Variants in PTPRM observed in about 807,000 individuals in gnomAD.
PTPRM encodes receptor-type tyrosine-protein phosphatase mu.
PTPRM carries 47 observed loss-of-function variants against 186.7 expected under a neutral mutation model. That is an observed-to-expected ratio of 0.25 (90% CI 0.20 to 0.32). PTPRM has a LOEUF of 0.32. PTPRM is among the 10% of genes least tolerant of loss of function. The pLI is 1.00. For missense variants in PTPRM, 1,494 were observed against 1,865.0 expected (o/e 0.80, Z 3.66); for synonymous variants, 668 against 674.9 (o/e 0.99, Z 0.16).
At chr18:7,842,828 G>GTATGTA in intron 2 of PTPRM, among the ~76,000 whole-genome samples, 1 of 73,794 alleles carries the variant, frequency 1.4e-5, no homozygotes, top group East Asian at 5.9e-4. Flanking sequence ...ATATATATAT[G>GTATGTA]TATATATATA....
chr18:7,652,283 G>A (rs1461531481), intron 1 of PTPRM, among the ~76,000 whole-genome samples: 1 of 152,114 alleles, frequency 6.6e-6, no homozygotes, highest in Non-Finnish European at 1.5e-5. Flanking sequence ...AGAGAAATAG[G>A]AACACTTTTA....
At chr18:8,267,520 C>A (rs1319009195) in intron 19 of PTPRM, among the ~76,000 whole-genome samples, 2 of 152,092 alleles carry the variant, frequency 1.3e-5, no homozygotes, top group African/African-American at 4.8e-5. Context: ...AATCTTAACA[C>A]AAAGAGTTTC....
intron 22 of PTPRM, among the ~76,000 whole-genome samples, chr18:8,334,967 A>C (rs1328295644): frequency 1.3e-5 from 2 of 152,194 alleles, no homozygotes; most frequent in African/African-American, 4.8e-5. Context: ...ACCTCCTTGC[A>C]GTACAGGTGC....
At chr18:8,257,737 T>C (rs1053633992) in intron 19 of PTPRM, among the ~76,000 whole-genome samples, 4 of 152,218 alleles carry the variant, frequency 2.6e-5, no homozygotes, top group Non-Finnish European at 5.9e-5. Flanking sequence ...TCTGGTCTTC[T>C]TCAATCTGTA....
intron 19 of PTPRM, among the ~76,000 whole-genome samples, chr18:8,260,245 C>T (rs929659156): frequency 2.0e-5 from 3 of 152,034 alleles, no homozygotes; most frequent in African/African-American, 7.3e-5. Context: ...CTTACTACAG[C>T]CTTGACCTCC....
intron 30 of PTPRM, 69 bp from the exon 31 acceptor site, chr18:8,387,003 G>A (rs779171503): frequency 5.1e-5 from 73 of 1,437,994 alleles, no homozygotes; most frequent in Middle Eastern, 1.8e-4. Flanking sequence ...AGTGGAATCA[G>A]CCCACTGGAA....
At chr18:8,138,458 T>C (rs1024358657) in intron 13 of PTPRM, among the ~76,000 whole-genome samples, 12 of 151,996 alleles carry the variant, frequency 7.9e-5, no homozygotes, top group African/African-American at 1.9e-4. Context: ...ATGCCCAGCC[T>C]GGGACATCCC....
At chr18:7,659,092 G>T (rs896169476) in intron 1 of PTPRM, among the ~76,000 whole-genome samples, 9 of 148,588 alleles carry the variant, frequency 6.1e-5, no homozygotes, top group African/African-American at 2.0e-4. Flanking sequence ...ATTTAAAATT[G>T]CAGGTATACA....
At chr18:7,958,213 A>G (rs1046355587) in intron 7 of PTPRM, among the ~76,000 whole-genome samples, 12 of 151,530 alleles carry the variant, frequency 7.9e-5, no homozygotes, top group Non-Finnish European at 1.0e-4. Flanking sequence ...CCTGCAAAAA[A>G]AAAAAAAAAA....
At chr18:7,578,636 A>ATTT (rs545184765) in intron 1 of PTPRM, among the ~76,000 whole-genome samples, 1 of 136,486 alleles carries the variant, frequency 7.3e-6, no homozygotes, top group Non-Finnish European at 1.6e-5. Context: ...CGCCTGGCCA[A>ATTT]TTTTTTTTTT....
intron 20 of PTPRM, among the ~76,000 whole-genome samples, chr18:8,301,369 C>T: frequency 6.6e-6 from 1 of 152,152 alleles, no homozygotes; most frequent in South Asian, 2.1e-4. Context: ...CACACACAAG[C>T]ATAGCCCTCC....
rs187288325 is a variant in PTPRM at position 7,595,689 on chromosome 18, A to C, written c.73+27798A>C. Among the ~76,000 whole-genome samples, 249 of 152,330 alleles carry C rather than the reference A, an allele frequency of 1.6e-3. 2 individuals are homozygous for C. Among genetic ancestry groups the C allele is most frequent in the Non-Finnish European group, 2.9e-3 (196 of 68,028 alleles). ...TCAATAGTAATGTTACTCTATCTGC[A>C]TTTTAACATGTTTACTATCAGCAAT... On this transcript the variant is annotated intron_variant, in intron 1 of 32. Coordinates refer to ENST00000580170, the MANE Select transcript of PTPRM (RefSeq NM_001105244.2).
At position 8,035,645 on chromosome 18, in the gene PTPRM, G is replaced by T. The variant is rs1485787904; in HGVS notation, c.1133-34041G>T. Among the ~76,000 whole-genome samples the T allele has an allele frequency of 2.0e-3, 309 of 152,194 alleles. 4 individuals carry two copies. The highest frequency in any genetic ancestry group is 7.1e-3 in the African/African-American group (295 of 41,532). On this transcript the variant is annotated intron_variant, in intron 7 of 32. Coordinates refer to ENST00000580170, the MANE Select transcript of PTPRM (RefSeq NM_001105244.2). The stretch of plus-strand genomic sequence containing the variant: ...AGATGCAGAAATTGCAGATACGGAG[G>T]GCTGACTGTACCTATAAAAAGAGGA...
chr18:8,140,969 A>G (rs1190682344), intron 13 of PTPRM, among the ~76,000 whole-genome samples: 1 of 152,192 alleles, frequency 6.6e-6, no homozygotes, highest in Non-Finnish European at 1.5e-5. Context: ...AAAATAAACA[A>G]CCATCAGTTG....
chr18:7,783,447 G>A (rs548308371), intron 2 of PTPRM, among the ~76,000 whole-genome samples: 1 of 152,162 alleles, frequency 6.6e-6, no homozygotes, highest in Admixed American at 6.5e-5. Context: ...GGGGTTAGTG[G>A]GTAGAGATGG....
At chr18:7,757,822 G>A (rs1186657781) in intron 1 of PTPRM, among the ~76,000 whole-genome samples, 3 of 152,164 alleles carry the variant, frequency 2.0e-5, no homozygotes, top group African/African-American at 7.2e-5. Context: ...GTGCATGGTT[G>A]CAGGCGAGTG....
intron 2 of PTPRM, among the ~76,000 whole-genome samples, chr18:7,775,268 G>C (rs1741508200): frequency 6.6e-6 from 1 of 152,180 alleles, no homozygotes; most frequent in Non-Finnish European, 1.5e-5. Flanking sequence ...CTTTATCACT[G>C]TGGCTTCACT....
At chr18:7,909,595 G>A (rs1464430075) in intron 4 of PTPRM, among the ~76,000 whole-genome samples, 1 of 152,092 alleles carries the variant, frequency 6.6e-6, no homozygotes, top group Non-Finnish European at 1.5e-5. Context: ...TCATAATAAT[G>A]AATTATTTTG....
chr18:7,786,121 A>G (rs2043086730), intron 2 of PTPRM, among the ~76,000 whole-genome samples: 1 of 152,198 alleles, frequency 6.6e-6, no homozygotes, highest in Admixed American at 6.5e-5. Flanking sequence ...TAGTTAACTG[A>G]TACTTTATTC....
Sources: gnomAD v4.1 joint callset for allele counts (sites outside exome capture counted in the v4.1 genomes callset) on GRCh38, gnomAD v4.1.1 for gene constraint, MANE v1.5 for transcripts, NCBI Gene and HGNC (gene_info 2026-07-23, HGNC 2026-07-21) for gene names.